TENM1: variants seen among roughly 807,000 people sequenced by gnomAD.
TENM1 encodes the protein teneurin-1.
Under a neutral mutation model 174.8 loss-of-function variants are expected in TENM1, and 35 were observed. The observed-to-expected ratio is 0.20, with a 90% CI of 0.15 to 0.27. The LOEUF (loss-of-function observed/expected upper bound fraction) is 0.27, where lower values mean the gene tolerates loss of function less well. TENM1 is among the 10% of genes least tolerant of loss of function. The pLI is 1.00. For missense variants in TENM1, 1,633 were observed against 2,130.1 expected (o/e 0.77, Z 4.59); for synonymous variants, 781 against 798.7 (o/e 0.98, Z 0.37).
At chrX:125,137,735 CT>C in the TENM1 span, among the ~76,000 whole-genome samples, 28 of 111,296 alleles carry the variant, frequency 2.5e-4, no homozygotes, top group African/African-American at 7.5e-4. Context: ...ATTCCCCAGC[CT>C]TTTTTTAGTA....
intron 1 of TENM1, among the ~76,000 whole-genome samples, chrX:124,941,198 T>A (rs145638577): frequency 0.023 from 2,535 of 111,753 alleles, 45 homozygotes; most frequent in Non-Finnish European, 0.036. Context: ...CTTTCTTATT[T>A]CTCTACTACT....
At chrX:125,135,778 A>G in the TENM1 span, among the ~76,000 whole-genome samples, 1 of 112,185 alleles carries the variant, frequency 8.9e-6, no homozygotes, top group Non-Finnish European at 1.9e-5. Flanking sequence ...TCAACTTTAT[A>G]GTGTCCCATA....
At chrX:124,783,103 CTA>C (rs202163908) in intron 3 of TENM1, among the ~76,000 whole-genome samples, 1,310 of 111,751 alleles carry the variant, frequency 0.012, 5 homozygotes, top group Non-Finnish European at 0.017. Flanking sequence ...GCAAATTTCT[CTA>C]TGATATGAGT....
the TENM1 span, among the ~76,000 whole-genome samples, chrX:125,124,954 A>G: frequency 8.9e-6 from 1 of 112,431 alleles, no homozygotes; most frequent in Non-Finnish European, 1.9e-5. Flanking sequence ...AGGTCAAAAT[A>G]GCCCTTAACT....
intron 3 of TENM1, among the ~76,000 whole-genome samples, chrX:124,747,311 G>A (rs1482996367): frequency 9.2e-6 from 1 of 108,882 alleles, no homozygotes; most frequent in African/African-American, 3.3e-5. Context: ...TTCAGAAAAT[G>A]AAAAAAATTA....
the TENM1 span, among the ~76,000 whole-genome samples, chrX:125,161,919 T>A: frequency 0.013 from 1,493 of 112,135 alleles, 11 homozygotes; most frequent in Non-Finnish European, 0.023. Flanking sequence ...TCTTGATTAG[T>A]ATAGGTGGAT....
chrX:124,701,292 C>T (rs1035659852), intron 5 of TENM1, among the ~76,000 whole-genome samples: 3 of 111,288 alleles, frequency 2.7e-5, no homozygotes, highest in Non-Finnish European at 3.8e-5. Flanking sequence ...AATGTAACAG[C>T]GCACTTGACC....
intron 6 of TENM1, among the ~76,000 whole-genome samples, chrX:124,664,852 A>G (rs1030401048): frequency 9.0e-6 from 1 of 110,891 alleles, no homozygotes; most frequent in Non-Finnish European, 1.9e-5. Flanking sequence ...TTTAATCAAG[A>G]TAGCCGTTAT....
At chrX:124,801,694 A>G (rs1400522097) in intron 3 of TENM1, among the ~76,000 whole-genome samples, 4 of 111,319 alleles carry the variant, frequency 3.6e-5, no homozygotes, top group African/African-American at 1.3e-4. Flanking sequence ...TGGCCTTTAT[A>G]TTTTGGTGTG....
intron 27 of TENM1, among the ~76,000 whole-genome samples, 153 bp downstream of exon 30, chrX:124,404,878 A>G (rs186410420): frequency 5.4e-5 from 6 of 111,765 alleles, no homozygotes; most frequent in African/African-American, 1.6e-4. Context: ...TTGAATTAGT[A>G]TATCATATAA....
chrX:124,762,529 G>T (rs911271395), intron 3 of TENM1, among the ~76,000 whole-genome samples: 15 of 111,480 alleles, frequency 1.3e-4, no homozygotes, highest in Admixed American at 1.1e-3. Context: ...TGCTCACTTG[G>T]AACTAGGATA....
intron 25 of TENM1, among the ~76,000 whole-genome samples, chrX:124,406,960 CTGTT>C (rs1243479512): frequency 8.9e-6 from 1 of 111,800 alleles, no homozygotes; most frequent in Non-Finnish European, 1.9e-5. Context: ...TAATTTGCTG[CTGTT>C]TAAGTTGCCA....
At chrX:124,719,474 A>G (rs753368039) in intron 4 of TENM1, among the ~76,000 whole-genome samples, 7 of 111,779 alleles carry the variant, frequency 6.3e-5, no homozygotes, top group Non-Finnish European at 1.9e-5. Flanking sequence ...AATCATAGCA[A>G]TTGAAACAAC....
intron 1 of TENM1, among the ~76,000 whole-genome samples, chrX:124,912,327 A>G (rs1414488422): frequency 9.0e-6 from 1 of 111,479 alleles, no homozygotes; most frequent in Non-Finnish European, 1.9e-5. Flanking sequence ...ACCCTGGGAG[A>G]CTATGCTGAG....
chrX:124,659,264 T>C (rs1466698260), intron 6 of TENM1, among the ~76,000 whole-genome samples: 1 of 111,776 alleles, frequency 8.9e-6, no homozygotes, highest in Non-Finnish European at 1.9e-5. Flanking sequence ...GAATAAAATA[T>C]CTCTTGAAAG....
chrX:124,948,069 T>C (rs2058428835), intron 1 of TENM1, among the ~76,000 whole-genome samples: 2 of 112,421 alleles, frequency 1.8e-5, no homozygotes, highest in Admixed American at 9.5e-5. Context: ...GACTAATTTG[T>C]TCAAAATTTT....
At chrX:124,671,204 A>G (rs893053678) in intron 6 of TENM1, among the ~76,000 whole-genome samples, 1 of 110,679 alleles carries the variant, frequency 9.0e-6, no homozygotes, top group Non-Finnish European at 1.9e-5. Context: ...GGAAGAATTC[A>G]TGTTCCCAAA....
At chrX:124,447,992 C>T (rs2060983757) in intron 23 of TENM1, among the ~76,000 whole-genome samples, 1 of 111,472 alleles carries the variant, frequency 9.0e-6, no homozygotes, top group Admixed American at 9.5e-5. Context: ...ACAGGCACCT[C>T]AACGTACCCC....
At chrX:125,042,764 C>T in the TENM1 span, among the ~76,000 whole-genome samples, 1 of 110,887 alleles carries the variant, frequency 9.0e-6, no homozygotes. Context: ...ATTAAGTGAG[C>T]CTGTTAAAAG....
Sources: allele counts gnomAD v4.1 joint callset (sites outside exome capture counted in the v4.1 genomes callset), GRCh38; gene constraint gnomAD v4.1.1; transcripts MANE v1.5; gene names NCBI Gene and HGNC (gene_info 2026-07-23, HGNC 2026-07-21).